TNFRSF11A: variants seen among roughly 807,000 people sequenced by gnomAD.
TNFRSF11A encodes TNF receptor superfamily member 11a, also known as tumor necrosis factor receptor superfamily member 11A.
TNFRSF11A carries 32 observed loss-of-function variants against 55.7 expected under a neutral mutation model. The ratio of observed to expected loss-of-function variants is 0.57; its 90% CI spans 0.43 to 0.77. TNFRSF11A has a LOEUF of 0.77. Among genes scored for constraint, TNFRSF11A ranks in the 30% least tolerant of loss-of-function variants. The pLI is 0.00. For missense variants in TNFRSF11A, 753 were observed against 809.8 expected (o/e 0.93, Z 0.85); for synonymous variants, 311 against 331.0 (o/e 0.94, Z 0.65).
chr18:62,375,076 T>C (rs1910796765), intron 9 of TNFRSF11A, among the ~76,000 whole-genome samples: 1 of 61,966 alleles, frequency 1.6e-5, no homozygotes, highest in Non-Finnish European at 4.5e-5. Flanking sequence ...TGCTAATTTT[T>C]GTGTGTGTGT....
rs748789814 is a variant in TNFRSF11A at position 62,354,394 on chromosome 18, A to G, written c.287A>G (p.Lys96Arg). ...CLLHKVCDTG[K>R]ALVAVVAGNS... ...ACCTGTCTCTTGTCTCCCGCAGGCA[A>G]GGCCCTGGTGGCCGTGGTCGCCGGC... Residue 96 changes from lysine (K) to arginine (R), a missense_variant, in exon 4 of 10, where the codon AAG (lysine) becomes AGG (arginine). Physicochemically the swap from Lys to Arg is conservative, Grantham distance 26. Coordinates refer to ENST00000586569, the MANE Select transcript of TNFRSF11A (RefSeq NM_003839.4). The G allele has an allele frequency of 3.9e-5, 62 of 1,579,314 alleles. No individual in the cohort carries two copies. The highest frequency in any genetic ancestry group is 5.2e-5 in the Non-Finnish European group (61 of 1,167,910).
chr18:62,347,252 C>T (rs904230343), intron 1 of TNFRSF11A, among the ~76,000 whole-genome samples: 8 of 152,144 alleles, frequency 5.3e-5, no homozygotes, highest in African/African-American at 1.2e-4. Context: ...GATGTCTGTT[C>T]GGCTAAGCCC....
chr18:62,349,166 C>CTTTTTTT (rs35392545), intron 2 of TNFRSF11A, among the ~76,000 whole-genome samples: 1 of 143,320 alleles, frequency 7.0e-6, no homozygotes. Context: ...CATTCTATTC[C>CTTTTTTT]TTTTTTTTTT....
In TNFRSF11A at chr18:62,387,370, A is replaced by AG. The variant is rs1438079346; in HGVS notation, c.*2341dup. The AG allele has an allele frequency of 6.6e-6, 1 of 152,224 alleles. No individual in the cohort carries two copies. The highest frequency in any genetic ancestry group is 2.4e-5 in the African/African-American group (1 of 41,460). The allele number at this position is 152,224 out of a possible 1,614,324, so 9.4% of individuals were successfully genotyped here. On this transcript the variant is annotated 3_prime_UTR_variant, in exon 10 of 10. Transcript: ENST00000586569. ...ACTGAAGCAGTAATGAACAGTTATT[A>AG]GGGGGAACATGATAAAGAGATTATA...
chr18:62,350,024 G>A (rs1314497389), intron 3 of TNFRSF11A, 87 bp downstream of exon 3: 3 of 1,574,512 alleles, frequency 1.9e-6, no homozygotes, highest in South Asian at 1.1e-5. Context: ...GGCAGCCAAT[G>A]ATGTTTCGTT....
At chr18:62,355,098 TA>T in intron 4 of TNFRSF11A, among the ~76,000 whole-genome samples, 1 of 152,336 alleles carries the variant, frequency 6.6e-6, no homozygotes, top group Middle Eastern at 3.4e-3. Context: ...CAATTGTATT[TA>T]ACTATTGGAC....
At chr18:62,382,363 G>A (rs1158042763) in intron 9 of TNFRSF11A, among the ~76,000 whole-genome samples, 2 of 151,898 alleles carry the variant, frequency 1.3e-5, no homozygotes, top group South Asian at 2.1e-4. Flanking sequence ...TACTCGCCTC[G>A]GCCTCCCAAA....
chr18:62,346,701 C>T (rs1384672566), intron 1 of TNFRSF11A, among the ~76,000 whole-genome samples: 1 of 152,226 alleles, frequency 6.6e-6, no homozygotes, highest in Non-Finnish European at 1.5e-5. Flanking sequence ...TGGCTGTGTG[C>T]CCCACACCCA....
intron 7 of TNFRSF11A, 88 bp downstream of exon 7, chr18:62,361,881 T>C: frequency 8.6e-7 from 1 of 1,168,650 alleles, no homozygotes; most frequent in South Asian, 1.2e-5. Flanking sequence ...ATTGTCTACT[T>C]GCTGCCTATG....
rs150047468 is a variant in TNFRSF11A, at chr18:62,360,694, G to A, written c.616+645G>A. On this transcript the variant is annotated intron_variant, in intron 6 of 9. Coordinates refer to ENST00000586569, the MANE Select transcript of TNFRSF11A (RefSeq NM_003839.4). ...ACTCCTGGCCCCAGGTGATCTGCCCGCCTTGGTCTCCCAAAGTGCTAGGAT... is the reference window on the plus strand; with the variant it reads ...ACTCCTGGCCCCAGGTGATCTGCCCACCTTGGTCTCCCAAAGTGCTAGGAT... Among the ~76,000 whole-genome samples the A allele has an allele frequency of 6.3e-3, 953 of 152,202 alleles. 8 individuals carry two copies. Among genetic ancestry groups the A allele is most frequent in the African/African-American group, 0.02 (817 of 41,514 alleles).
At chr18:62,382,608 A>G (rs1911370626) in intron 9 of TNFRSF11A, among the ~76,000 whole-genome samples, 1 of 151,770 alleles carries the variant, frequency 6.6e-6, no homozygotes, top group Admixed American at 6.6e-5. Flanking sequence ...GTTCTAGAAT[A>G]TTTTGAGTGA....
chr18:62,382,167 G>A (rs915085323), intron 9 of TNFRSF11A, among the ~76,000 whole-genome samples: 2 of 135,724 alleles, frequency 1.5e-5, no homozygotes, highest in African/African-American at 2.8e-5. Flanking sequence ...GCTGGGTGCA[G>A]TGGCGCGATC....
intron 1 of TNFRSF11A, among the ~76,000 whole-genome samples, chr18:62,342,773 C>T (rs563467501): frequency 2.6e-5 from 4 of 152,326 alleles, no homozygotes; most frequent in East Asian, 1.9e-4. Flanking sequence ...GAGACCTTCT[C>T]GCCGGCCTGT....
In TNFRSF11A at chr18:62,358,240, T is replaced by C. The variant is rs777378404; in HGVS notation, c.428-8T>C. ...TGTCTGGGTTGTTTTTTTTTTTTTT[T>C]CTCACAGTGCAGCTCAACAAGGACA... is the stretch of plus-strand genomic sequence containing the variant. On this transcript the variant is annotated splice_region_variant and splice_polypyrimidine_tract_variant and intron_variant, in intron 4 of 9. Coordinates refer to ENST00000586569, the MANE Select transcript of TNFRSF11A (RefSeq NM_003839.4). 25 of 1,589,280 alleles carry C rather than the reference T, an allele frequency of 1.6e-5. No individual in the cohort carries two copies. Among genetic ancestry groups the C allele is most frequent in the Middle Eastern group, 3.4e-4 (2 of 5,970 alleles).
At chr18:62,328,818 T>C (rs979576223) in intron 1 of TNFRSF11A, among the ~76,000 whole-genome samples, 1 of 152,230 alleles carries the variant, frequency 6.6e-6, no homozygotes, top group African/African-American at 2.4e-5. Context: ...CCCCTGTTAT[T>C]TCCTTTCTAC....
rs1272941143 is a variant in TNFRSF11A, at chr18:62,358,265, A to G, written c.445A>G (p.Thr149Ala). ...AQHPLQLNKDTVCKPCLAGYF... is the reference protein window; with the variant it reads ...AQHPLQLNKDAVCKPCLAGYF... ...TCTCACAGTGCAGCTCAACAAGGACACAGTGTGCAAACCTTGCCTTGCAGG... is the reference window on the plus strand; with the variant it reads ...TCTCACAGTGCAGCTCAACAAGGACGCAGTGTGCAAACCTTGCCTTGCAGG... The change falls in exon 5 of 10, where the codon ACA becomes GCA. Residue 149 changes from threonine (T) to alanine (A), a missense_variant. By Grantham distance (58) the Thr-to-Ala change is moderately conservative. This residue lies in a region of TNFRSF11A where 30 missense variants were observed against 58.0 expected (regional missense o/e 0.52). Coordinates refer to ENST00000586569, the MANE Select transcript of TNFRSF11A (RefSeq NM_003839.4). The G allele has an allele frequency of 6.2e-7, 1 of 1,609,908 alleles. No homozygotes were observed. Among genetic ancestry groups the G allele is most frequent in the Admixed American group, 1.7e-5 (1 of 59,822 alleles).
At chr18:62,350,866 C>G (rs2046457783) in intron 3 of TNFRSF11A, among the ~76,000 whole-genome samples, 1 of 151,894 alleles carries the variant, frequency 6.6e-6, no homozygotes, top group Non-Finnish European at 1.5e-5. Context: ...CCCTTCTTTC[C>G]TTTTTCCATT....
At chr18:62,334,104 G>A (rs1419648913) in intron 1 of TNFRSF11A, among the ~76,000 whole-genome samples, 1 of 152,154 alleles carries the variant, frequency 6.6e-6, no homozygotes, top group Non-Finnish European at 1.5e-5. Flanking sequence ...GACCTCAAGT[G>A]ATCTGCCCGC....
intron 1 of TNFRSF11A, among the ~76,000 whole-genome samples, chr18:62,333,267 G>A (rs1225484847): frequency 6.6e-6 from 1 of 152,168 alleles, no homozygotes; most frequent in Non-Finnish European, 1.5e-5. Context: ...CCCAGCATCA[G>A]TCTCCCCCGG....
Sources: gnomAD v4.1 joint callset for allele counts (sites outside exome capture counted in the v4.1 genomes callset) on GRCh38, gnomAD v4.1.1 for gene constraint, gnomAD v4.1.1 regional missense constraint, MANE v1.5 for transcripts, NCBI Gene and HGNC (gene_info 2026-07-23, HGNC 2026-07-21) for gene names.